Variants in CNTN3 observed in about 807,000 individuals in gnomAD.
CNTN3 encodes the protein contactin 3.
CNTN3 carries 60 observed loss-of-function variants against 119.1 expected under a neutral mutation model. The observed-to-expected ratio is 0.50, with a 90% CI of 0.41 to 0.62. The LOEUF (loss-of-function observed/expected upper bound fraction) is 0.62, where lower values mean the gene tolerates loss of function less well. Among genes scored for constraint, CNTN3 ranks in the 20% least tolerant of loss-of-function variants. CNTN3 has a pLI of 0.00. For synonymous variants in CNTN3, 450 were observed against 438.7 expected, an observed-to-expected ratio of 1.03 and a Z score of -0.32; for missense variants, 1,101 against 1,242.4, an observed-to-expected ratio of 0.89 and a Z score of 1.71.
At chr3:74,610,322 A>G (rs1229194779) in intron 1 of CNTN3, among the ~76,000 whole-genome samples, 2 of 123,286 alleles carry the variant, frequency 1.6e-5, no homozygotes, top group Non-Finnish European at 3.3e-5. Context: ...GACCCTGTCG[A>G]AAAAAACAAA....
chr3:74,384,326 C>CTCCTTGTG (rs1704694623), intron 5 of CNTN3, among the ~76,000 whole-genome samples: 2 of 152,204 alleles, frequency 1.3e-5, no homozygotes, highest in South Asian at 4.1e-4. Flanking sequence ...GGAAACAGAT[C>CTCCTTGTG]TCCTTGTGAA....
chr3:74,473,326 A>C (rs1397214646), intron 4 of CNTN3, among the ~76,000 whole-genome samples: 1 of 152,140 alleles, frequency 6.6e-6, no homozygotes, highest in Non-Finnish European at 1.5e-5. Context: ...ATCTGCTCTC[A>C]ACTTCCAGGT....
chr3:74,296,061 T>C (rs750289134), intron 18 of CNTN3, among the ~76,000 whole-genome samples: 45 of 152,148 alleles, frequency 3.0e-4, no homozygotes, highest in Non-Finnish European at 5.6e-4. Flanking sequence ...AGAACCATTT[T>C]CTGAGGTTCC....
rs189711227 is a variant in CNTN3, at chr3:74,568,083, A to C, written c.-81+46308T>G. Among the ~76,000 whole-genome samples the C allele has an allele frequency of 3.0e-3, 456 of 152,300 alleles. 4 individuals carry two copies. The Middle Eastern group carries it at 0.054, about 18-fold the overall frequency. ...TCTAAGCATTTTAGAAGTCATCAAC[A>C]GCAACTTTCTATTTTTGAAAAACAG... On this transcript the variant is annotated intron_variant, in intron 1 of 22. Transcript: ENST00000263665.
intron 1 of CNTN3, among the ~76,000 whole-genome samples, chr3:74,595,587 A>C (rs1214029162): frequency 2.6e-5 from 4 of 152,168 alleles, no homozygotes; most frequent in African/African-American, 9.6e-5. Context: ...AAAGACAAAA[A>C]CCACATGATT....
chr3:74,327,965 G>T (rs1703170935), intron 13 of CNTN3, among the ~76,000 whole-genome samples: 1 of 150,742 alleles, frequency 6.6e-6, no homozygotes, highest in South Asian at 2.1e-4. Flanking sequence ...TTCTTCATTG[G>T]TATATTCTGT....
intron 5 of CNTN3, among the ~76,000 whole-genome samples, chr3:74,414,003 G>A (rs904526057): frequency 4.6e-5 from 7 of 152,074 alleles, no homozygotes; most frequent in Non-Finnish European, 1.0e-4. Flanking sequence ...TGCCTGTGAG[G>A]ATCAAAAGCT....
intron 5 of CNTN3, among the ~76,000 whole-genome samples, chr3:74,372,786 G>C (rs141631512): frequency 6.6e-6 from 1 of 152,032 alleles, no homozygotes; most frequent in Non-Finnish European, 1.5e-5. Flanking sequence ...AGGAAGGACA[G>C]GTGCCATTCT....
intron 1 of CNTN3, among the ~76,000 whole-genome samples, chr3:74,589,464 C>T (rs1704660849): frequency 6.8e-6 from 1 of 147,392 alleles, no homozygotes; most frequent in Non-Finnish European, 1.5e-5. Context: ...ACAACAGGTG[C>T]TGGAGAGGAT....
chr3:74,354,712 A>T (rs1017367990), intron 11 of CNTN3, among the ~76,000 whole-genome samples: 2 of 152,126 alleles, frequency 1.3e-5, no homozygotes, highest in African/African-American at 2.4e-5. Context: ...CCAATATAAA[A>T]CAAACAAACA....
In CNTN3 at chr3:74,561,013, C is replaced by G. The variant is rs181128363; in HGVS notation, c.-80-39821G>C. On this transcript the variant is annotated intron_variant, in intron 1 of 22. Transcript: ENST00000263665. Reference sequence around the variant, plus strand: ...GACACAGGGTGGGGAACATCATACACCGGGACCTGTTGTGGGATGGGGGGA... The same window carrying G: ...GACACAGGGTGGGGAACATCATACAGCGGGACCTGTTGTGGGATGGGGGGA... Among the ~76,000 whole-genome samples the G allele has an allele frequency of 3.7e-3, 416 of 113,312 alleles. 2 individuals are homozygous for G. The highest frequency in any genetic ancestry group is 0.014 in the African/African-American group (395 of 27,790). 74.3% of individuals were successfully genotyped at this position (113,312 alleles called of 152,430 possible). A position where few individuals can be genotyped will look rare whatever the true frequency, so the allele number is the denominator to read the frequency against.
At chr3:74,286,193 T>C (rs918566660) in intron 19 of CNTN3, among the ~76,000 whole-genome samples, 21 of 151,986 alleles carry the variant, frequency 1.4e-4, no homozygotes, top group Admixed American at 5.2e-4. Context: ...TGACAGAACA[T>C]GAAGGTAGCA....
chr3:74,509,500 G>T (rs1019282165), intron 2 of CNTN3, among the ~76,000 whole-genome samples: 1 of 152,070 alleles, frequency 6.6e-6, no homozygotes, highest in Non-Finnish European at 1.5e-5. Flanking sequence ...GTTTCGCCAT[G>T]TTGGCCAGGC....
chr3:74,492,878 C>A (rs530019720), intron 3 of CNTN3, among the ~76,000 whole-genome samples: 1 of 152,038 alleles, frequency 6.6e-6, no homozygotes, highest in South Asian at 2.1e-4. Flanking sequence ...TATGTAAACT[C>A]CACTGGATAA....
intron 11 of CNTN3, among the ~76,000 whole-genome samples, chr3:74,340,972 G>A (rs930367068): frequency 1.3e-5 from 2 of 152,028 alleles, no homozygotes; most frequent in African/African-American, 4.8e-5. Context: ...CAAATCCTTT[G>A]GTGTATTAGG....
At chr3:74,308,079 G>T (rs1022984332) in intron 13 of CNTN3, among the ~76,000 whole-genome samples, 1 of 152,124 alleles carries the variant, frequency 6.6e-6, no homozygotes, top group African/African-American at 2.4e-5. Context: ...CTGGAACCTG[G>T]TTGGCGTTTT....
At chr3:74,384,888 C>T (rs1704710536) in intron 5 of CNTN3, among the ~76,000 whole-genome samples, 1 of 152,122 alleles carries the variant, frequency 6.6e-6, no homozygotes, top group Non-Finnish European at 1.5e-5. Context: ...AACAACATAT[C>T]TTCTGGGATA....
chr3:74,283,827 A>T (rs12492386), intron 20 of CNTN3, among the ~76,000 whole-genome samples: 35,272 of 152,058 alleles, frequency 0.23, 5,280 homozygotes, highest in South Asian at 0.51. Context: ...TTGTATCTGT[A>T]TTTCCAAACC....
chr3:74,428,580 T>A (rs772503070), intron 4 of CNTN3, among the ~76,000 whole-genome samples: 17 of 152,238 alleles, frequency 1.1e-4, no homozygotes, highest in Non-Finnish European at 1.9e-4. Context: ...TTAAGCTAAG[T>A]GTTATTATGG....
Sources: gnomAD v4.1 joint callset for allele counts (sites outside exome capture counted in the v4.1 genomes callset) on GRCh38, gnomAD v4.1.1 for gene constraint, MANE v1.5 for transcripts, NCBI Gene and HGNC (gene_info 2026-07-23, HGNC 2026-07-21) for gene names.